DICER1: variants seen among roughly 807,000 people sequenced by gnomAD.
DICER1 encodes endoribonuclease Dicer.
A neutral mutation model predicts 194.1 loss-of-function variants in DICER1; 43 were observed. The observed-to-expected ratio is 0.22, with a 90% CI of 0.17 to 0.29. DICER1 has a LOEUF of 0.29. DICER1 is among the 10% of genes least tolerant of loss of function. The probability of loss-of-function intolerance (pLI) is 1.00; values close to 1 mark genes in which losing one functional copy is unlikely to be tolerated. For synonymous variants in DICER1, 832 were observed against 820.5 expected (o/e 1.01, Z -0.24); for missense variants, 1,608 against 2,317.0 (o/e 0.69, Z 6.28).
At position 95,124,721 on chromosome 14, in the gene DICER1, T is replaced by C. The variant is rs1323655799; in HGVS notation, c.904-53A>G. On this transcript the variant is annotated intron_variant, in intron 7 of 26. Transcript: ENST00000343455. The surrounding 1 kb of genome is among the most constrained non-coding windows in gnomAD (Gnocchi z 4.5). ...AATGCCAAATAATAATAATGTAGCA[T>C]TTTCATGTGGGGTTTAACTGGGATT... 7.0e-7 allele frequency: 1 copy of C among 1,433,238 alleles called. No homozygotes were observed. Among genetic ancestry groups the C allele is most frequent in the Non-Finnish European group, 9.8e-7 (1 of 1,019,858 alleles). The allele number at this position is 1,433,238 out of a possible 1,614,324, so 88.8% of individuals were successfully genotyped here. A position where few individuals can be genotyped will look rare whatever the true frequency, so the allele number is the denominator to read the frequency against.
intron 1 of DICER1, among the ~76,000 whole-genome samples, chr14:95,148,187 C>T (rs377466816): frequency 1.7e-4 from 26 of 152,324 alleles, no homozygotes; most frequent in East Asian, 1.5e-3. Context: ...TATCCAGAAG[C>T]TTTCCAAACT....
chr14:95,094,912 A>C (rs1285489130), intron 23 of DICER1, among the ~76,000 whole-genome samples: 1 of 151,470 alleles, frequency 6.6e-6, no homozygotes, highest in Non-Finnish European at 1.5e-5. Flanking sequence ...CAAGGAATTA[A>C]GAAGCAGGGA....
intron 21 of DICER1, among the ~76,000 whole-genome samples, chr14:95,101,575 T>A (rs1890880798): frequency 6.6e-6 from 1 of 152,098 alleles, no homozygotes; most frequent in African/African-American, 2.4e-5. Flanking sequence ...GTCTAAAATC[T>A]CAACTCTAAC....
intron 1 of DICER1, among the ~76,000 whole-genome samples, chr14:95,139,161 C>T (rs1022093912): frequency 6.6e-6 from 1 of 152,180 alleles, no homozygotes; most frequent in Non-Finnish European, 1.5e-5. Context: ...ATCCTATGTG[C>T]TCAATCCAAG....
Position 95,105,084 on chromosome 14 carries a change from G to T in DICER1, c.3256C>A (p.Pro1086Thr). The T allele has an allele frequency of 1.2e-6, 2 of 1,614,102 alleles. No individual in the cohort carries two copies. Among genetic ancestry groups the T allele is most frequent in the Non-Finnish European group, 1.7e-6 (2 of 1,180,004 alleles). Residue 1086 changes from proline to threonine, a missense_variant, in exon 20 of 27, where the codon CCT becomes ACT. Coordinates refer to ENST00000343455, the MANE Select transcript of DICER1 (RefSeq NM_177438.3). This position sits in a 1 kb window ranked among gnomAD's most constrained non-coding sequence, Gnocchi z 4.9. ...SDAGVGVRSLPADFRYPNLDF... is the reference protein window; with the variant it reads ...SDAGVGVRSLTADFRYPNLDF... ...GCACAGGCATACCTAAAATCCGCAG[G>T]AAGTGATCTGACTCCCACGCCAGCA...
intron 11 of DICER1, among the ~76,000 whole-genome samples, chr14:95,114,067 C>G (rs1420014759): frequency 1.3e-5 from 2 of 152,188 alleles, no homozygotes; most frequent in South Asian, 4.1e-4. Context: ...GAAACAAATA[C>G]AGATGTAAAC....
chr14:95,100,962 CT>C, intron 21 of DICER1, among the ~76,000 whole-genome samples: 1 of 152,080 alleles, frequency 6.6e-6, no homozygotes, highest in East Asian at 1.9e-4. Context: ...TAAATGCTAG[CT>C]TCCCTTTCCA....
intron 21 of DICER1, 150 bp downstream of exon 21, chr14:95,103,196 C>G: frequency 1.2e-6 from 1 of 855,048 alleles, no homozygotes; most frequent in Non-Finnish European, 1.9e-6. Context: ...CTTTCGCTGG[C>G]CCTGGTAGAA....
In DICER1 at chr14:95,103,395, G is replaced by C. The variant is rs1555369296; in HGVS notation, c.4001C>G (p.Thr1334Ser). ...GCGGCCCTCATGCGCATCAGGGTAAGTGCAAAATAGATATGTGGTGATGGC... is the reference window on the plus strand; with the variant it reads ...GCGGCCCTCATGCGCATCAGGGTAACTGCAAAATAGATATGTGGTGATGGC... ...KHAITTYLFC[T>S]YPDAHEGRLS... Residue 1334 changes from threonine (T) to serine (S), a missense_variant, in exon 21 of 27, where the codon ACT becomes AGT. By Grantham distance (58) the Thr-to-Ser change is moderately conservative. Coordinates refer to ENST00000343455, the MANE Select transcript of DICER1 (RefSeq NM_177438.3). 2 of 1,614,204 alleles carry C rather than the reference G, an allele frequency of 1.2e-6. No homozygotes were observed. The highest frequency in any genetic ancestry group is 1.7e-6 in the Non-Finnish European group (2 of 1,180,028).
At chr14:95,152,655 T>G (rs1224398660) in intron 1 of DICER1, among the ~76,000 whole-genome samples, 1 of 152,238 alleles carries the variant, frequency 6.6e-6, no homozygotes, top group Non-Finnish European at 1.5e-5. Flanking sequence ...CCTCAGAGAA[T>G]GTTTTGTAGC....
chr14:95,103,960 G>C lies in DICER1; in HGVS notation c.3436C>G (p.His1146Asp), dbSNP rs1240541454. 1 of 1,614,190 alleles carries C rather than the reference G, an allele frequency of 6.2e-7. No individual in the cohort carries two copies. The highest frequency in any genetic ancestry group is 1.6e-4 in the Middle Eastern group (1 of 6,062). Reference protein sequence around the residue: ...GANRTSSLENHDQMSVNCRTL... With the variant: ...GANRTSSLENDDQMSVNCRTL... ...CTGCAGTTCACAGACATTTGGTCAT[G>C]ATTTTCTAGAGAGGAGGTTCTATTA... The change falls in exon 21 of 27, where the codon CAT becomes GAT. Residue 1146 changes from histidine to aspartate, a missense_variant. Physicochemically the swap from His to Asp is moderately conservative, Grantham distance 81 (BLOSUM62 -1). Coordinates refer to ENST00000343455, the MANE Select transcript of DICER1 (RefSeq NM_177438.3).
At chr14:95,145,932 C>T (rs1410333940) in intron 1 of DICER1, among the ~76,000 whole-genome samples, 4 of 152,104 alleles carry the variant, frequency 2.6e-5, no homozygotes, top group Admixed American at 6.5e-5. Flanking sequence ...TCATCATTAC[C>T]ATTTATAAGA....
At chr14:95,152,955 A>G (rs191632910) in intron 1 of DICER1, among the ~76,000 whole-genome samples, 1 of 152,266 alleles carries the variant, frequency 6.6e-6, no homozygotes, top group Non-Finnish European at 1.5e-5. Context: ...GGTGGCTCAC[A>G]CCTGTAATCC....
At position 95,105,814 on chromosome 14, in the gene DICER1, C is replaced by T; in HGVS notation, c.2988-31G>A. The T allele has an allele frequency of 3.2e-6, 5 of 1,583,670 alleles. No homozygotes were observed. Among genetic ancestry groups the T allele is most frequent in the Non-Finnish European group, 4.3e-6 (5 of 1,152,608 alleles). On this transcript the variant is annotated intron_variant, in intron 18 of 26. Transcript: ENST00000343455. This position sits in a 1 kb window ranked among gnomAD's most constrained non-coding sequence, Gnocchi z 4.9. Reference sequence around the variant, plus strand: ...AGAATTCCAAAACAATTTTATCAAACACACAAAAATGAGTACATATTCACA... The same window carrying T: ...AGAATTCCAAAACAATTTTATCAAATACACAAAAATGAGTACATATTCACA...
intron 22 of DICER1, 100 bp downstream of exon 22, chr14:95,099,672 TGAAACAAA>T: frequency 1.1e-5 from 16 of 1,410,324 alleles, no homozygotes; most frequent in Non-Finnish European, 1.5e-5. Flanking sequence ...ACCAAGAAAA[TGAAACAAA>T]AAATTAATAA....
chr14:95,127,645 T>C (rs1893588391), intron 6 of DICER1, among the ~76,000 whole-genome samples: 1 of 152,262 alleles, frequency 6.6e-6, no homozygotes, highest in African/African-American at 2.4e-5. Flanking sequence ...GTTCCACTTG[T>C]GGCAGCACAC....
intron 6 of DICER1, among the ~76,000 whole-genome samples, chr14:95,127,771 G>C (rs1332432624): frequency 6.6e-6 from 1 of 152,220 alleles, no homozygotes; most frequent in Non-Finnish European, 1.5e-5. Flanking sequence ...CACAGGGGCT[G>C]ATATTCAAAT....
intron 8 of DICER1, among the ~76,000 whole-genome samples, chr14:95,123,711 T>C (rs1388723967): frequency 1.3e-5 from 2 of 152,126 alleles, no homozygotes; most frequent in African/African-American, 4.8e-5. Flanking sequence ...CAACCTAGCC[T>C]TGAAAAGTTG....
chr14:95,142,469 T>C (rs1894882450), intron 1 of DICER1, among the ~76,000 whole-genome samples: 1 of 152,184 alleles, frequency 6.6e-6, no homozygotes, highest in African/African-American at 2.4e-5. Flanking sequence ...AGAGATGATT[T>C]CCAATTCAGA....
Sources: gnomAD v4.1 joint callset for allele counts (sites outside exome capture counted in the v4.1 genomes callset) on GRCh38, gnomAD v4.1.1 for gene constraint, Gnocchi (gnomAD v3.1) non-coding constraint, MANE v1.5 for transcripts, NCBI Gene and HGNC (gene_info 2026-07-23, HGNC 2026-07-21) for gene names.